SEMA6A: variants seen among roughly 807,000 people sequenced by gnomAD.
The protein encoded by SEMA6A is semaphorin-6A.
Under a neutral mutation model 96.8 loss-of-function variants are expected in SEMA6A, and 25 were observed. The observed-to-expected ratio is 0.26, with a 90% confidence interval of 0.19 to 0.36. The LOEUF (loss-of-function observed/expected upper bound fraction) is 0.36, where lower values mean the gene tolerates loss of function less well. SEMA6A is among the 10% of genes least tolerant of loss of function. The probability of loss-of-function intolerance (pLI) is 1.00; values close to 1 mark genes in which losing one functional copy is unlikely to be tolerated. For synonymous variants in SEMA6A, 612 were observed against 518.0 expected (o/e 1.18, Z -2.46); for missense variants, 1,363 against 1,323.1 (o/e 1.03, Z -0.47).
intron 1 of SEMA6A, chr5:116,562,860 G>A (rs567562935): frequency 1.5e-6 from 1 of 648,034 alleles, no homozygotes; most frequent in East Asian, 3.3e-5. Context: ...CGGGCCACAG[G>A]AGGAAATAGG....
intron 3 of SEMA6A, chr5:116,499,102 A>G (rs916576865): frequency 2.6e-5 from 4 of 152,162 alleles, no homozygotes; most frequent in South Asian, 4.1e-4. Context: ...GCTGACAGCA[A>G]TTGTCTAGAA....
intron 8 of SEMA6A, 44 bp from the exon 9 acceptor site, chr5:116,488,240 G>T: frequency 7.8e-7 from 1 of 1,286,742 alleles, no homozygotes; most frequent in Non-Finnish European, 1.1e-6. Context: ...GTCAAACAGA[G>T]TTAACAGAAT....
At chr5:116,475,969 G>C (rs750707230) in intron 15 of SEMA6A, among the ~76,000 whole-genome samples, 3 of 152,116 alleles carry the variant, frequency 2.0e-5, no homozygotes, top group Non-Finnish European at 4.4e-5. Context: ...AAATTAAAAA[G>C]AAAAATCTTT....
At chr5:116,507,543 G>C (rs1315526889) in intron 1 of SEMA6A, among the ~76,000 whole-genome samples, 2 of 152,148 alleles carry the variant, frequency 1.3e-5, no homozygotes, top group African/African-American at 4.8e-5. Flanking sequence ...CCTTGAGTGA[G>C]CAGTGTTGCT....
intron 1 of SEMA6A, among the ~76,000 whole-genome samples, chr5:116,543,777 G>A (rs1196331920): frequency 6.6e-6 from 1 of 152,206 alleles, no homozygotes; most frequent in African/African-American, 2.4e-5. Context: ...GATAAGGCAA[G>A]CAGATGTGTT....
At chr5:116,501,207 C>G (rs1212680329) in intron 3 of SEMA6A, among the ~76,000 whole-genome samples, 1 of 152,160 alleles carries the variant, frequency 6.6e-6, no homozygotes, top group East Asian at 1.9e-4. Context: ...TTAAGGTAAT[C>G]AAATACAACA....
At chr5:116,519,755 A>G (rs1328656885) in intron 1 of SEMA6A, among the ~76,000 whole-genome samples, 3 of 152,164 alleles carry the variant, frequency 2.0e-5, no homozygotes, top group Non-Finnish European at 2.9e-5. Flanking sequence ...TAAGAGGACC[A>G]AGAGACGTAA....
intron 3 of SEMA6A, 62 bp downstream of exon 3, chr5:116,502,148 T>C: frequency 2.3e-6 from 3 of 1,303,964 alleles, no homozygotes; most frequent in Non-Finnish European, 3.3e-6. Flanking sequence ...GCATAGCTGG[T>C]AAATTTAGGA....
chr5:116,489,411 A>G (rs892197257), intron 7 of SEMA6A, among the ~76,000 whole-genome samples: 6 of 152,100 alleles, frequency 3.9e-5, no homozygotes, highest in Non-Finnish European at 8.8e-5. Context: ...ATAGATGCTG[A>G]TTGTGTCCCC....
Position 116,488,876 on chromosome 5 carries a change from T to C in SEMA6A, c.655+12A>G. On this transcript the variant is annotated intron_variant, in intron 8 of 18. Coordinates refer to ENST00000343348, the MANE Select transcript of SEMA6A (RefSeq NM_020796.5). ...TCCCCTCCGACCCTCCTTCTTTTAA[T>C]TGTTTGTTCACCTTTCAACCATTTT... is the stretch of plus-strand genomic sequence containing the variant. 7 of 1,553,864 alleles carry C rather than the reference T, an allele frequency of 4.5e-6. No individual in the cohort carries two copies. The highest frequency in any genetic ancestry group is 5.2e-6 in the Non-Finnish European group (6 of 1,147,824).
At chr5:116,478,447 C>A in intron 13 of SEMA6A, 95 bp downstream of exon 13, 1 of 1,292,932 alleles carries the variant, frequency 7.7e-7, no homozygotes, top group South Asian at 1.6e-5. Context: ...TCTAAAAATG[C>A]ATAAAACCTC....
chr5:116,490,263 CT>C (rs756870265), intron 7 of SEMA6A, among the ~76,000 whole-genome samples: 1 of 152,082 alleles, frequency 6.6e-6, no homozygotes, highest in Non-Finnish European at 1.5e-5. Context: ...CGAATCATAA[CT>C]TTTCTTATGG....
intron 18 of SEMA6A, among the ~76,000 whole-genome samples, chr5:116,464,264 C>T (rs571370325): frequency 1.1e-4 from 16 of 152,220 alleles, no homozygotes; most frequent in Non-Finnish European, 2.1e-4. Flanking sequence ...CATTTATCAA[C>T]TTGGTGATTA....
chr5:116,557,932 G>A (rs564468056), intron 1 of SEMA6A, among the ~76,000 whole-genome samples: 10 of 152,334 alleles, frequency 6.6e-5, no homozygotes, highest in Non-Finnish European at 1.0e-4. Context: ...AATGTGGCAC[G>A]TAATAGATAA....
intron 18 of SEMA6A, among the ~76,000 whole-genome samples, chr5:116,460,141 T>C (rs1464669680): frequency 1.3e-5 from 2 of 152,214 alleles, no homozygotes; most frequent in African/African-American, 4.8e-5. Context: ...ATAACAGCTG[T>C]TAAAATTTTG....
chr5:116,460,842 G>C (rs1405805690), intron 18 of SEMA6A, among the ~76,000 whole-genome samples: 1 of 148,640 alleles, frequency 6.7e-6, no homozygotes, highest in Non-Finnish European at 1.5e-5. Context: ...CTGGAATGCA[G>C]TGGCACGATC....
chr5:116,533,270 T>C (rs1453584674), intron 1 of SEMA6A, among the ~76,000 whole-genome samples: 1 of 151,932 alleles, frequency 6.6e-6, no homozygotes, highest in East Asian at 1.9e-4. Flanking sequence ...TTTTTTTTTT[T>C]TTCCACTAGT....
chr5:116,513,225 T>A lies in SEMA6A; in HGVS notation c.-38-8243A>T, dbSNP rs540680426. Among the ~76,000 whole-genome samples the A allele has an allele frequency of 3.3e-5, 5 of 152,282 alleles. No individual in the cohort carries two copies. The East Asian group carries it at 9.6e-4, about 29-fold the overall frequency. ...TCACCACAACCTCTGCCTCCCAGGT[T>A]CAAGTGATTCTCCTGCTCCAGCCTC... On this transcript the variant is annotated intron_variant, in intron 1 of 18. Transcript: ENST00000343348.
intron 1 of SEMA6A, among the ~76,000 whole-genome samples, chr5:116,530,019 A>C (rs999712468): frequency 1.3e-5 from 2 of 152,062 alleles, no homozygotes; most frequent in Non-Finnish European, 2.9e-5. Flanking sequence ...AATAAAAATA[A>C]TGACAACAAC....
Sources: gnomAD v4.1 joint callset for allele counts (sites outside exome capture counted in the v4.1 genomes callset) on GRCh38, gnomAD v4.1.1 for gene constraint, MANE v1.5 for transcripts, NCBI Gene and HGNC (gene_info 2026-07-23, HGNC 2026-07-21) for gene names.